The following CECR2 variants were observed in gnomAD, a reference collection of about 807,000 sequenced individuals.
CECR2 encodes CECR2 histone acetyl-lysine reader.
A neutral mutation model predicts 154.5 loss-of-function variants in CECR2; 30 were observed. The observed-to-expected ratio is 0.19, with a 90% CI of 0.15 to 0.26. The LOEUF is 0.26. CECR2 is among the 10% of genes least tolerant of loss of function. CECR2 has a pLI of 1.00. For synonymous variants in CECR2, 725 were observed against 683.7 expected (o/e 1.06, Z -0.94); for missense variants, 1,743 against 1,829.3 (o/e 0.95, Z 0.86).
chr22:17,484,523 T>G (rs192393148), intron 2 of CECR2, among the ~76,000 whole-genome samples: 1,741 of 151,952 alleles, frequency 0.011, 26 homozygotes, highest in African/African-American at 0.04. Context: ...TGTTGTTGTT[T>G]TTTTTAATTT....
chr22:17,495,136 G>T (rs1347980715), intron 2 of CECR2, among the ~76,000 whole-genome samples: 1 of 152,076 alleles, frequency 6.6e-6, no homozygotes, highest in African/African-American at 2.4e-5. Flanking sequence ...AACTTCTTTA[G>T]GCCTCTTTGC....
At chr22:17,451,864 G>A (rs901447162) in intron 1 of CECR2, among the ~76,000 whole-genome samples, 3 of 152,108 alleles carry the variant, frequency 2.0e-5, no homozygotes, top group Non-Finnish European at 4.4e-5. Flanking sequence ...CAAAGAAAAA[G>A]AGTAAGATAA....
chr22:17,421,090 A>T (rs1177934113), intron 1 of CECR2, among the ~76,000 whole-genome samples: 3 of 150,816 alleles, frequency 2.0e-5, no homozygotes, highest in Non-Finnish European at 3.0e-5. Flanking sequence ...TTAGCTAAGA[A>T]TTTTTTTTTT....
At chr22:17,374,470 TG>T (rs1215722562) in intron 1 of CECR2, among the ~76,000 whole-genome samples, 1 of 152,190 alleles carries the variant, frequency 6.6e-6, no homozygotes, top group Non-Finnish European at 1.5e-5. Flanking sequence ...TAGGAGACTT[TG>T]TTTTGGTGTA....
intron 1 of CECR2, among the ~76,000 whole-genome samples, chr22:17,449,198 A>G (rs1319559375): frequency 6.6e-6 from 1 of 151,768 alleles, no homozygotes; most frequent in Non-Finnish European, 1.5e-5. Flanking sequence ...CCCCATTTAA[A>G]TGATAATGTT....
rs761773235 is a variant in CECR2 at position 17,549,325 on chromosome 22, G to T, written c.4038G>T (p.Gly1346=). ...CCCACAGTGTGATGCTGCAGACGGG[G>T]CCTCCCTATACCCCTCAGCGGCCGG... ...FPPHSVMLQT[G]PPYTPQRPAS... The change falls in exon 17 of 19, where the codon GGG becomes GGT. Residue 1346 remains glycine (G), a synonymous_variant. Transcript: ENST00000262608. 2.0e-5 allele frequency: 32 copies of T among 1,613,854 alleles called. No individual in the cohort carries two copies. Among genetic ancestry groups the T allele is most frequent in the Non-Finnish European group, 1.2e-5 (14 of 1,179,900 alleles).
At chr22:17,412,239 G>T (rs1217027038) in intron 1 of CECR2, among the ~76,000 whole-genome samples, 1 of 152,182 alleles carries the variant, frequency 6.6e-6, no homozygotes, top group Non-Finnish European at 1.5e-5. Flanking sequence ...AAAAGACTGG[G>T]GAAGGGTCAT....
rs2056748945 is a variant in CECR2, at chr22:17,554,208, A to C, written c.*1368A>C. On this transcript the variant is annotated 3_prime_UTR_variant, in exon 19 of 19. Transcript: ENST00000262608. ...TTGATTTTAGCTGAAAGGTCACCAA[A>C]GTTAGGACCCATGTTTTAAACTTTT... 1 of 152,212 alleles carries C rather than the reference A, an allele frequency of 6.6e-6. No homozygotes were observed. Among genetic ancestry groups the C allele is most frequent in the Admixed American group, 6.5e-5 (1 of 15,276 alleles). 9.4% of individuals were successfully genotyped at this position (152,212 alleles called of 1,614,324 possible).
intron 1 of CECR2, among the ~76,000 whole-genome samples, chr22:17,411,978 C>G (rs1210175956): frequency 6.6e-6 from 1 of 152,042 alleles, no homozygotes; most frequent in Admixed American, 6.6e-5. Context: ...AGGTTTTTTC[C>G]AATCTTAAAT....
At chr22:17,453,101 T>G (rs2054796938) in intron 1 of CECR2, among the ~76,000 whole-genome samples, 1 of 152,212 alleles carries the variant, frequency 6.6e-6, no homozygotes. Context: ...GAATATACCA[T>G]AATTTTACCT....
At chr22:17,541,631 G>C (rs147358094) in intron 14 of CECR2, among the ~76,000 whole-genome samples, 21 of 152,294 alleles carry the variant, frequency 1.4e-4, no homozygotes, top group African/African-American at 4.8e-4. Flanking sequence ...ATTTAATCTT[G>C]TATCTCCTGG....
chr22:17,435,721 A>ACCAT (rs2054496771), intron 1 of CECR2, among the ~76,000 whole-genome samples: 6 of 146,986 alleles, frequency 4.1e-5, no homozygotes, highest in Admixed American at 4.1e-4. Context: ...CAGGAGCAGG[A>ACCAT]CCATCCAACT....
intron 1 of CECR2, 144 bp downstream of exon 1, chr22:17,370,053 G>A (rs2146432444): frequency 6.6e-6 from 1 of 151,594 alleles, no homozygotes; most frequent in South Asian, 2.1e-4. Context: ...GGGCGCAAAA[G>A]GGCAGGAGGG....
chr22:17,370,207 C>T (rs1413866277), intron 1 of CECR2, among the ~76,000 whole-genome samples: 2 of 150,990 alleles, frequency 1.3e-5, no homozygotes, highest in East Asian at 3.9e-4. Context: ...GACCCGGCGA[C>T]CCTCCCGGGA....
intron 1 of CECR2, among the ~76,000 whole-genome samples, chr22:17,445,200 C>T (rs1384714241): frequency 6.6e-6 from 1 of 152,128 alleles, no homozygotes; most frequent in Non-Finnish European, 1.5e-5. Context: ...TATAGGTTTT[C>T]ATTTCCTTGA....
chr22:17,397,866 G>C (rs2053836360), intron 1 of CECR2, among the ~76,000 whole-genome samples: 1 of 152,182 alleles, frequency 6.6e-6, no homozygotes. Flanking sequence ...TGGTGTGCAT[G>C]TAGGAAAGAT....
intron 1 of CECR2, among the ~76,000 whole-genome samples, chr22:17,426,155 A>T (rs1460806576): frequency 1.3e-5 from 2 of 152,218 alleles, no homozygotes; most frequent in Non-Finnish European, 2.9e-5. Context: ...CCATGAATGT[A>T]TCCATTTGTC....
intron 1 of CECR2, chr22:17,419,716 C>G (rs891711439): frequency 2.6e-5 from 8 of 302,908 alleles, no homozygotes; most frequent in African/African-American, 1.8e-4. Context: ...AGCTAGAGAG[C>G]TGATGGATAA....
intron 1 of CECR2, among the ~76,000 whole-genome samples, chr22:17,399,696 C>T (rs1407009775): frequency 2.6e-5 from 4 of 152,100 alleles, no homozygotes; most frequent in East Asian, 3.9e-4. Flanking sequence ...GCGTGAGCCA[C>T]CGCACCCAAC....
Sources: gnomAD v4.1 joint callset for allele counts (sites outside exome capture counted in the v4.1 genomes callset) on GRCh38, gnomAD v4.1.1 for gene constraint, MANE v1.5 for transcripts, NCBI Gene and HGNC (gene_info 2026-07-23, HGNC 2026-07-21) for gene names.